COL28A1: variants seen among roughly 807,000 people sequenced by gnomAD.
The protein encoded by COL28A1 is collagen type XXVIII alpha 1 chain, also known as collagen alpha-1(XXVIII) chain.
A neutral mutation model predicts 150.2 loss-of-function variants in COL28A1; 161 were observed. The ratio of observed to expected loss-of-function variants is 1.07; its 90% CI spans 0.94 to 1.22. The LOEUF (loss-of-function observed/expected upper bound fraction) is 1.22, where lower values mean the gene tolerates loss of function less well. Ranked by LOEUF, COL28A1 falls within the 50% of genes most tolerant of loss-of-function variation. The pLI is 0.00. For synonymous variants in COL28A1, 552 were observed against 469.7 expected (o/e 1.18, Z -2.26); for missense variants, 1,617 against 1,388.3 (o/e 1.16, Z -2.62).
chr7:7,502,729 G>A (rs1583519408), intron 11 of COL28A1, among the ~76,000 whole-genome samples: 1 of 31,700 alleles, frequency 3.2e-5, no homozygotes. Flanking sequence ...ACGGAGTCTT[G>A]CTCTGTCGCC....
intron 25 of COL28A1, among the ~76,000 whole-genome samples, chr7:7,432,053 G>A (rs1785012563): frequency 6.6e-6 from 1 of 152,172 alleles, no homozygotes; most frequent in South Asian, 2.1e-4. Flanking sequence ...AAGCCCAAGA[G>A]GGGATACATG....
At chr7:7,508,451 C>T (rs753743985) in intron 9 of COL28A1, among the ~76,000 whole-genome samples, 1 of 152,138 alleles carries the variant, frequency 6.6e-6, no homozygotes, top group Non-Finnish European at 1.5e-5. Context: ...ACCATAAGCA[C>T]ATTTAAGGTT....
Position 7,417,867 on chromosome 7 carries a change from C to G in COL28A1, c.2128G>C (p.Gly710Arg). 1 of 1,613,332 alleles carries G rather than the reference C, an allele frequency of 6.2e-7. No homozygotes were observed. ...CAACCCTATTCACTTACTTTAATTCCCTGTGATCCATAGCCAGGGGGGCCA... is the reference window on the plus strand; with the variant it reads ...CAACCCTATTCACTTACTTTAATTCGCTGTGATCCATAGCCAGGGGGGCCA... Reference protein sequence around the residue: ...PPGPPGYGSQGIKGEQGPQGF... With the variant: ...PPGPPGYGSQRIKGEQGPQGF... The change falls in exon 27 of 35, where the codon GGA becomes CGA. Residue 710 changes from glycine (G) to arginine (R), a missense_variant. Coordinates refer to ENST00000399429, the MANE Select transcript of COL28A1 (RefSeq NM_001037763.3).
At chr7:7,422,682 T>C (rs1463281887) in intron 25 of COL28A1, among the ~76,000 whole-genome samples, 1 of 151,336 alleles carries the variant, frequency 6.6e-6, no homozygotes, top group Non-Finnish European at 1.5e-5. Flanking sequence ...TGCCTCCTGC[T>C]GTGATACATT....
intron 27 of COL28A1, among the ~76,000 whole-genome samples, chr7:7,414,603 G>C (rs754727724): frequency 5.3e-5 from 8 of 152,212 alleles, no homozygotes; most frequent in Non-Finnish European, 1.0e-4. Context: ...CCCCAGGAAA[G>C]GCCGGGGAAA....
At chr7:7,511,358 C>CTTAAA (rs1207083895) in intron 8 of COL28A1, among the ~76,000 whole-genome samples, 47 of 152,104 alleles carry the variant, frequency 3.1e-4, no homozygotes, top group African/African-American at 9.6e-4. Flanking sequence ...AAATCAGGAA[C>CTTAAA]AATGTAATAA....
intron 27 of COL28A1, among the ~76,000 whole-genome samples, chr7:7,411,651 C>T (rs1381841012): frequency 2.0e-5 from 3 of 152,148 alleles, no homozygotes; most frequent in African/African-American, 7.2e-5. Context: ...TTGCTATGGA[C>T]ATGAATGAAC....
intron 27 of COL28A1, among the ~76,000 whole-genome samples, chr7:7,386,380 C>T (rs1367841376): frequency 6.6e-6 from 1 of 152,172 alleles, no homozygotes. Context: ...ATGCTACTCT[C>T]ATTCTTAAAG....
rs773154741 is a variant in COL28A1 at position 7,360,430 on chromosome 7, GGT to G, written c.3163_3164del (p.Thr1055ProfsTer16). 2 of 1,608,014 alleles carry G rather than the reference GGT, an allele frequency of 1.2e-6. No homozygotes were observed. Among genetic ancestry groups the G allele is most frequent in the Non-Finnish European group, 1.7e-6 (2 of 1,178,298 alleles). On this transcript the variant is annotated frameshift_variant, in exon 34 of 35. Transcript: ENST00000399429. LOFTEE classifies it low-confidence loss of function (END_TRUNC). ...PATTSSEATT[T>X]PRPLLSTPVD... ...CAGGGGTGCTGAGCAGTGGCCTGGG[GGT>G]GGTGGTGGCCTCAGATGAGGTAGTG...
chr7:7,505,671 A>G (rs1780770308), intron 11 of COL28A1, among the ~76,000 whole-genome samples: 1 of 152,222 alleles, frequency 6.6e-6, no homozygotes, highest in South Asian at 2.1e-4. Context: ...TTTGAGAAAT[A>G]GAGTGGTTTG....
intron 26 of COL28A1, among the ~76,000 whole-genome samples, chr7:7,418,938 T>C (rs747832156): frequency 6.6e-6 from 1 of 152,188 alleles, no homozygotes. Context: ...AGAATCTTGG[T>C]AATTCTGGGA....
chr7:7,529,671 G>A (rs2115248231), intron 3 of COL28A1, among the ~76,000 whole-genome samples: 1 of 152,312 alleles, frequency 6.6e-6, no homozygotes, highest in East Asian at 1.9e-4. Flanking sequence ...GCCTACACCT[G>A]TGGCCAAACA....
rs1488825679 is a variant in COL28A1, at chr7:7,444,278, G to A, written c.1581+140C>T. ...TCCTTCTCTCAGGGAGAAGTGGAAA[G>A]GGACATTTGGGATTGTGAGATATTT... On this transcript the variant is annotated intron_variant, in intron 19 of 34. Coordinates refer to ENST00000399429, the MANE Select transcript of COL28A1 (RefSeq NM_001037763.3). The A allele has an allele frequency of 6.2e-6, 7 of 1,130,724 alleles. No homozygotes were observed. The African/African-American group carries it at 7.8e-5, about 13-fold the overall frequency. The allele number at this position is 1,130,724 out of a possible 1,614,324, so 70.0% of individuals were successfully genotyped here.
chr7:7,500,533 A>G (rs1429563307), intron 11 of COL28A1, among the ~76,000 whole-genome samples: 5 of 152,252 alleles, frequency 3.3e-5, no homozygotes, highest in African/African-American at 1.2e-4. Context: ...GATTAACGGT[A>G]TAATACATGG....
chr7:7,510,444 C>G (rs1781066093), intron 9 of COL28A1, among the ~76,000 whole-genome samples: 2 of 152,152 alleles, frequency 1.3e-5, no homozygotes, highest in South Asian at 4.1e-4. Flanking sequence ...GCCACCATGC[C>G]TGGCTAATTT....
intron 25 of COL28A1, among the ~76,000 whole-genome samples, chr7:7,422,902 A>G (rs563866546): frequency 6.6e-6 from 1 of 152,304 alleles, no homozygotes; most frequent in African/African-American, 2.4e-5. Flanking sequence ...AATAACACAT[A>G]CACTAACTGC....
At chr7:7,388,226 T>G (rs1355156131) in intron 27 of COL28A1, among the ~76,000 whole-genome samples, 1 of 151,980 alleles carries the variant, frequency 6.6e-6, no homozygotes, top group Non-Finnish European at 1.5e-5. Flanking sequence ...TGTGTTCTCA[T>G]TTTTCAACTC....
At chr7:7,433,648 A>AT (rs1785139603) in intron 23 of COL28A1, among the ~76,000 whole-genome samples, 1 of 150,654 alleles carries the variant, frequency 6.6e-6, no homozygotes, top group Admixed American at 6.7e-5. Flanking sequence ...AAAAAAAAAA[A>AT]AAAAAAAAGA....
At chr7:7,412,944 G>A (rs556632455) in intron 27 of COL28A1, among the ~76,000 whole-genome samples, 1 of 152,178 alleles carries the variant, frequency 6.6e-6, no homozygotes, top group South Asian at 2.1e-4. Context: ...GATCTGACTG[G>A]CTCTAAAGCC....
Sources: gnomAD v4.1 joint callset for allele counts (sites outside exome capture counted in the v4.1 genomes callset) on GRCh38, gnomAD v4.1.1 for gene constraint, MANE v1.5 for transcripts, NCBI Gene and HGNC (gene_info 2026-07-23, HGNC 2026-07-21) for gene names.